Variants in SLC16A9 observed in about 807,000 individuals in gnomAD.
The protein encoded by SLC16A9 is monocarboxylate transporter 9.
Under a neutral mutation model 44.3 loss-of-function variants are expected in SLC16A9, and 26 were observed. That is an observed-to-expected ratio of 0.59 (90% confidence interval 0.43 to 0.81). The LOEUF (loss-of-function observed/expected upper bound fraction) is 0.81, where lower values mean the gene tolerates loss of function less well. Among genes scored for constraint, SLC16A9 ranks in the 40% least tolerant of loss-of-function variants. The probability of loss-of-function intolerance (pLI) is 0.00; values close to 1 mark genes in which losing one functional copy is unlikely to be tolerated. For missense variants in SLC16A9, 559 were observed against 595.8 expected, an observed-to-expected ratio of 0.94 and a Z score of 0.64; for synonymous variants, 230 against 225.1, an observed-to-expected ratio of 1.02 and a Z score of -0.19.
chr10:59,655,284 G>A (rs529840938), intron 4 of SLC16A9, among the ~76,000 whole-genome samples: 10 of 152,146 alleles, frequency 6.6e-5, no homozygotes, highest in African/African-American at 1.4e-4. Context: ...GTGAGACTCC[G>A]TCTCAAACAA....
At chr10:59,676,922 CAAA>C (rs35816952) in intron 2 of SLC16A9, among the ~76,000 whole-genome samples, 21 of 104,828 alleles carry the variant, frequency 2.0e-4, no homozygotes, top group South Asian at 6.1e-4. Flanking sequence ...ACTCTTGTCT[CAAA>C]AAAAAAAAAA....
At chr10:59,658,156 A>G (rs921526493) in intron 4 of SLC16A9, among the ~76,000 whole-genome samples, 4 of 152,142 alleles carry the variant, frequency 2.6e-5, no homozygotes, top group African/African-American at 9.7e-5. Flanking sequence ...ACAATAACTT[A>G]ACCCTTTCAA....
chr10:59,667,472 A>G (rs1839646954), intron 3 of SLC16A9, among the ~76,000 whole-genome samples: 1 of 152,196 alleles, frequency 6.6e-6, no homozygotes, highest in Non-Finnish European at 1.5e-5. Context: ...GCTTTGGAAA[A>G]CAGAGTTATT....
intron 1 of SLC16A9, among the ~76,000 whole-genome samples, chr10:59,695,290 C>T (rs1840347977): frequency 2.0e-5 from 3 of 152,062 alleles, no homozygotes; most frequent in Admixed American, 2.0e-4. Context: ...GAATTATACA[C>T]TTTAAATAAG....
intron 3 of SLC16A9, among the ~76,000 whole-genome samples, chr10:59,664,972 A>G (rs1313477068): frequency 2.7e-5 from 4 of 149,734 alleles, no homozygotes; most frequent in Non-Finnish European, 3.0e-5. Flanking sequence ...CAAAATACTG[A>G]CAACTATTGG....
At chr10:59,681,062 C>G (rs1839975079) in intron 2 of SLC16A9, among the ~76,000 whole-genome samples, 1 of 151,984 alleles carries the variant, frequency 6.6e-6, no homozygotes, top group African/African-American at 2.4e-5. Flanking sequence ...GTCTGCGTGT[C>G]AAATCCACGC....
intron 1 of SLC16A9, among the ~76,000 whole-genome samples, chr10:59,700,599 A>G (rs1214768033): frequency 6.6e-6 from 1 of 152,244 alleles, no homozygotes; most frequent in Admixed American, 6.5e-5. Flanking sequence ...CATGAAGCAC[A>G]GGCACGGAGC....
chr10:59,701,771 C>T (rs1272530369), intron 1 of SLC16A9, among the ~76,000 whole-genome samples: 1 of 152,156 alleles, frequency 6.6e-6, no homozygotes, highest in Non-Finnish European at 1.5e-5. Context: ...CTCCCTCCCT[C>T]GTCCAAGCTT....
rs1290923039 is a variant in SLC16A9 at position 59,709,759 on chromosome 10, G to A, written c.-317C>T. The A allele has an allele frequency of 6.6e-6, 1 of 152,646 alleles. No homozygotes were observed. The highest frequency in any genetic ancestry group is 1.5e-5 in the Non-Finnish European group (1 of 68,470). 9.5% of individuals were successfully genotyped at this position (152,646 alleles called of 1,614,324 possible). ...CTGGGGAGCCGGCCCCCTTCTCTGAGCTCCACCTTCTCTTTCGCCTTCTCC... is the reference window on the plus strand; with the variant it reads ...CTGGGGAGCCGGCCCCCTTCTCTGAACTCCACCTTCTCTTTCGCCTTCTCC... On this transcript the variant is annotated 5_prime_UTR_variant, in exon 1 of 6. Coordinates refer to ENST00000395348, the MANE Select transcript of SLC16A9 (RefSeq NM_194298.3).
In SLC16A9 at chr10:59,652,709, A is replaced by G; in HGVS notation, c.*63T>C. ...TTGACTCTAGAAAATTTGCTTGAGA[A>G]TCTGTTAAAATATCGTTGCTATATG... On this transcript the variant is annotated 3_prime_UTR_variant, in exon 6 of 6. Transcript: ENST00000395348. 1 of 1,423,426 alleles carries G rather than the reference A, an allele frequency of 7.0e-7. No homozygotes were observed. Among genetic ancestry groups the G allele is most frequent in the South Asian group, 1.5e-5 (1 of 65,428 alleles). The allele number at this position is 1,423,426 out of a possible 1,614,324, so 88.2% of individuals were successfully genotyped here. A position where few individuals can be genotyped will look rare whatever the true frequency, so the allele number is the denominator to read the frequency against.
Position 59,681,768 on chromosome 10 carries a change from TATGTATATGTATATG to T in SLC16A9, c.196+2313_196+2327del, listed in dbSNP as rs1308362538. Reference sequence around the variant, plus strand: ...TGTATATGTATATGTATATGATGTATATGTATATGTATATGATGTATATGTATATGTATATGTATA... The same window carrying T: ...TGTATATGTATATGTATATGATGTATATGTATATGTATATGTATATGTATA... On this transcript the variant is annotated intron_variant, in intron 2 of 5. Coordinates refer to ENST00000395348, the MANE Select transcript of SLC16A9 (RefSeq NM_194298.3). Among the ~76,000 whole-genome samples, 20 of 21,810 alleles carry T rather than the reference TATGTATATGTATATG, an allele frequency of 9.2e-4. 1 individual carries two copies. The highest frequency in any genetic ancestry group is 2.2e-3 in the African/African-American group (20 of 9,016). The allele number at this position is 21,810 out of a possible 152,430, so 14.3% of individuals were successfully genotyped here. A position where few individuals can be genotyped will look rare whatever the true frequency, so the allele number is the denominator to read the frequency against.
intron 3 of SLC16A9, among the ~76,000 whole-genome samples, chr10:59,666,179 G>A (rs1233410878): frequency 6.6e-6 from 1 of 151,824 alleles, no homozygotes; most frequent in Non-Finnish European, 1.5e-5. Context: ...TGCACCTGTG[G>A]TCTCAGCTAC....
chr10:59,689,739 T>C (rs1292931170), intron 1 of SLC16A9, among the ~76,000 whole-genome samples: 1 of 152,186 alleles, frequency 6.6e-6, no homozygotes, highest in African/African-American at 2.4e-5. Context: ...ATTGTGAGTA[T>C]GCAGTAATTT....
At chr10:59,685,514 T>C (rs1454615945) in intron 1 of SLC16A9, among the ~76,000 whole-genome samples, 1 of 152,220 alleles carries the variant, frequency 6.6e-6, no homozygotes, top group Non-Finnish European at 1.5e-5. Context: ...TATACATTGG[T>C]ATGTGCCTTG....
chr10:59,664,123 T>C (rs1230976706), intron 4 of SLC16A9, 104 bp downstream of exon 4: 1 of 531,530 alleles, frequency 1.9e-6, no homozygotes, highest in Non-Finnish European at 3.1e-6. Context: ...GCTACCTGAT[T>C]GGTAGCTGGG....
At chr10:59,666,381 T>C (rs2132434178) in intron 3 of SLC16A9, among the ~76,000 whole-genome samples, 1 of 152,160 alleles carries the variant, frequency 6.6e-6, no homozygotes, top group East Asian at 1.9e-4. Context: ...AAATCAGCAG[T>C]TGTTAAAGAG....
intron 3 of SLC16A9, 104 bp downstream of exon 3, chr10:59,672,666 G>T: frequency 8.7e-7 from 1 of 1,143,282 alleles, no homozygotes; most frequent in Non-Finnish European, 1.2e-6. Flanking sequence ...AATTATTAGT[G>T]AGCATTTTCA....
chr10:59,675,591 T>A (rs570925321), intron 2 of SLC16A9, among the ~76,000 whole-genome samples: 1 of 151,806 alleles, frequency 6.6e-6, no homozygotes, highest in Non-Finnish European at 1.5e-5. Flanking sequence ...ATCTCAGGAG[T>A]TGGACAAGTG....
rs1166898801 is a variant in SLC16A9 at position 59,654,343 on chromosome 10, A to G, written c.683T>C (p.Leu228Pro). Reference protein sequence around the residue: ...GKNLEENINILDKSYSSEEKC... With the variant: ...GKNLEENINIPDKSYSSEEKC... ...TTCCTCACTACTGTAGCTCTTGTCAAGAATGTTTATGTTTTCTTCCAGATT... is the reference window on the plus strand; with the variant it reads ...TTCCTCACTACTGTAGCTCTTGTCAGGAATGTTTATGTTTTCTTCCAGATT... Residue 228 changes from leucine (L) to proline (P), a missense_variant, in exon 5 of 6, where the codon CTT becomes CCT. Physicochemically the swap from Leu to Pro is moderately conservative, Grantham distance 98 (BLOSUM62 -3). Transcript: ENST00000395348. 1.9e-6 allele frequency: 3 copies of G among 1,614,106 alleles called. No individual in the cohort carries two copies. The South Asian group carries it at 3.3e-5, about 18-fold the overall frequency.
Sources: allele counts gnomAD v4.1 joint callset (sites outside exome capture counted in the v4.1 genomes callset), GRCh38; gene constraint gnomAD v4.1.1; transcripts MANE v1.5; gene names NCBI Gene and HGNC (gene_info 2026-07-23, HGNC 2026-07-21).